The following MGMT variants were observed in gnomAD, a reference collection of about 807,000 sequenced individuals.
The protein encoded by MGMT is methylated-DNA--protein-cysteine methyltransferase.
In MGMT, 14 loss-of-function variants were observed where a neutral mutation model predicts 15.9. That is an observed-to-expected ratio of 0.88 (90% CI 0.58 to 1.37). The LOEUF (loss-of-function observed/expected upper bound fraction) is 1.37, where lower values mean the gene tolerates loss of function less well. MGMT is among the 40% of genes most tolerant of loss of function. MGMT has a pLI of 0.00. For synonymous variants in MGMT, 130 were observed against 118.2 expected (o/e 1.10, Z -0.65); for missense variants, 282 against 268.1 (o/e 1.05, Z -0.36).
chr10:129,638,453 A>AAAAAAAAAAAAG, intron 2 of MGMT, among the ~76,000 whole-genome samples: 1 of 149,150 alleles, frequency 6.7e-6, no homozygotes, highest in Non-Finnish European at 1.5e-5. Flanking sequence ...AAAGAAAAAA[A>AAAAAAAAAAAAG]AAAGAAAAAT....
Position 129,770,527 on chromosome 10 carries a change from G to A in MGMT, c.*3530G>A, listed in dbSNP as rs1482907394. 6.6e-6 allele frequency among the ~76,000 whole-genome samples: 1 copy of A among 152,232 alleles called. No individual in the cohort carries two copies. Among genetic ancestry groups the A allele is most frequent in the African/African-American group, 2.4e-5 (1 of 41,472 alleles). ...CACCTTGGCTGTCCATGCACCCGTA[G>A]CTGTGACCATGGGCGGTGGCGCCAG... On this transcript the variant is annotated 3_prime_UTR_variant, in exon 5 of 5. Transcript: ENST00000651593.
At chr10:129,730,486 G>C (rs1229433679) in intron 3 of MGMT, among the ~76,000 whole-genome samples, 1 of 152,232 alleles carries the variant, frequency 6.6e-6, no homozygotes. Flanking sequence ...AGAGCATCCT[G>C]TGTCTGCAAG....
intron 1 of MGMT, among the ~76,000 whole-genome samples, chr10:129,496,934 C>A (rs956705554): frequency 2.0e-5 from 3 of 152,014 alleles, no homozygotes; most frequent in Non-Finnish European, 2.9e-5. Flanking sequence ...CTCAAGTGAT[C>A]CGCCTACCTC....
In MGMT at chr10:129,484,912, A is replaced by G. The variant is rs1269800750; in HGVS notation, c.-13+17616A>G. ...TATAAGGGTGTGTGTATGTGTATAT[A>G]TGTATGTGTGTGTGTATTATATATA... On this transcript the variant is annotated intron_variant, in intron 1 of 4. Transcript: ENST00000651593. Among the ~76,000 whole-genome samples, 5 of 151,794 alleles carry G rather than the reference A, an allele frequency of 3.3e-5. No individual in the cohort carries two copies. The East Asian group carries it at 7.7e-4, about 23-fold the overall frequency.
intron 2 of MGMT, among the ~76,000 whole-genome samples, chr10:129,643,076 G>A (rs998596838): frequency 6.6e-6 from 1 of 152,184 alleles, no homozygotes; most frequent in Non-Finnish European, 1.5e-5. Context: ...ATGGAAAAGG[G>A]AGTTTTGTAG....
Position 129,769,328 on chromosome 10 carries a change from G to C in MGMT, c.*2331G>C, listed in dbSNP as rs1224697867. Reference sequence around the variant, plus strand: ...GAAAAGCCAGCACGCGGGTCGCCTAGAGCCGCTCTGCCTCCAAGCTGCAGC... The same window carrying C: ...GAAAAGCCAGCACGCGGGTCGCCTACAGCCGCTCTGCCTCCAAGCTGCAGC... On this transcript the variant is annotated 3_prime_UTR_variant, in exon 5 of 5. Coordinates refer to ENST00000651593, the MANE Select transcript of MGMT (RefSeq NM_002412.5). The C allele has an allele frequency of 1.3e-5, 2 of 152,252 alleles. No homozygotes were observed. Among genetic ancestry groups the C allele is most frequent in the Admixed American group, 1.3e-4 (2 of 15,290 alleles). The allele number at this position is 152,252 out of a possible 1,614,324, so 9.4% of individuals were successfully genotyped here. A position where few individuals can be genotyped will look rare whatever the true frequency, so the allele number is the denominator to read the frequency against.
At chr10:129,474,586 G>A (rs1454545718) in intron 1 of MGMT, among the ~76,000 whole-genome samples, 2 of 152,182 alleles carry the variant, frequency 1.3e-5, no homozygotes, top group Admixed American at 6.5e-5. Flanking sequence ...GAGATTTCCC[G>A]ACTGCAGCCG....
chr10:129,559,483 C>G (rs1846253239), intron 2 of MGMT, among the ~76,000 whole-genome samples: 1 of 152,072 alleles, frequency 6.6e-6, no homozygotes, highest in Non-Finnish European at 1.5e-5. Flanking sequence ...GAAGAAACCC[C>G]TGTTCTAGCT....
chr10:129,511,307 G>A (rs530627234), intron 1 of MGMT, among the ~76,000 whole-genome samples: 74 of 149,408 alleles, frequency 5.0e-4, no homozygotes, highest in Admixed American at 1.1e-3. Flanking sequence ...ATGCAGCCAC[G>A]TGCTTTCTGT....
intron 2 of MGMT, among the ~76,000 whole-genome samples, chr10:129,632,425 C>T (rs1191414853): frequency 1.3e-5 from 2 of 152,114 alleles, no homozygotes; most frequent in Admixed American, 6.6e-5. Flanking sequence ...AGAACTGGGG[C>T]CCAGCGAGAC....
intron 2 of MGMT, among the ~76,000 whole-genome samples, chr10:129,595,918 G>A (rs1846745955): frequency 6.6e-6 from 1 of 152,110 alleles, no homozygotes; most frequent in Admixed American, 6.5e-5. Context: ...TTTCTATGGG[G>A]GAGATTATAC....
At chr10:129,484,057 G>A (rs547648773) in intron 1 of MGMT, among the ~76,000 whole-genome samples, 4 of 152,240 alleles carry the variant, frequency 2.6e-5, no homozygotes, top group Non-Finnish European at 4.4e-5. Context: ...ACTGAGACCT[G>A]TCATACAAGG....
In MGMT at chr10:129,566,598, C is replaced by T. The variant is rs566337751; in HGVS notation, c.125+30221C>T. On this transcript the variant is annotated intron_variant, in intron 2 of 4. Coordinates refer to ENST00000651593, the MANE Select transcript of MGMT (RefSeq NM_002412.5). This position sits in a 1 kb window ranked among gnomAD's most constrained non-coding sequence, Gnocchi z 4.1. ...TTGCACTGAGGACCACAGCAGCCCT[C>T]GCATTCCTACACATACCCCTTTGCC... 6.6e-6 allele frequency among the ~76,000 whole-genome samples: 1 copy of T among 152,300 alleles called. No individual in the cohort carries two copies. The highest frequency in any genetic ancestry group is 6.5e-5 in the Admixed American group (1 of 15,300).
At chr10:129,685,168 G>A (rs1847891389) in intron 2 of MGMT, among the ~76,000 whole-genome samples, 1 of 152,222 alleles carries the variant, frequency 6.6e-6, no homozygotes. Flanking sequence ...AAGATTTGCT[G>A]ATTTTTAAAT....
intron 1 of MGMT, among the ~76,000 whole-genome samples, chr10:129,475,836 T>C (rs1845287500): frequency 6.6e-6 from 1 of 152,228 alleles, no homozygotes; most frequent in Non-Finnish European, 1.5e-5. Flanking sequence ...CTGAAGTTAG[T>C]GTTCTTAAAG....
intron 3 of MGMT, 64 bp downstream of exon 3, chr10:129,708,107 A>G: frequency 1.3e-6 from 2 of 1,536,134 alleles, no homozygotes; most frequent in South Asian, 1.2e-5. Context: ...GATCGCTGAC[A>G]TCACAGTTCA....
At chr10:129,546,742 C>T (rs1327069434) in intron 2 of MGMT, among the ~76,000 whole-genome samples, 1 of 152,184 alleles carries the variant, frequency 6.6e-6, no homozygotes, top group Non-Finnish European at 1.5e-5. Context: ...GGGTGGAACA[C>T]TGACGTCAGA....
At chr10:129,651,917 A>G (rs1847462913) in intron 2 of MGMT, among the ~76,000 whole-genome samples, 1 of 152,154 alleles carries the variant, frequency 6.6e-6, no homozygotes, top group Non-Finnish European at 1.5e-5. Context: ...CAACCTAAAA[A>G]TCCTTTAGGT....
intron 2 of MGMT, among the ~76,000 whole-genome samples, chr10:129,592,425 C>T (rs1439447252): frequency 4.6e-5 from 7 of 152,162 alleles, no homozygotes; most frequent in Non-Finnish European, 7.3e-5. Context: ...AAATGCCTAA[C>T]GTAGATTTGC....
Sources: allele counts gnomAD v4.1 joint callset (sites outside exome capture counted in the v4.1 genomes callset), GRCh38; gene constraint gnomAD v4.1.1; non-coding constraint Gnocchi (gnomAD v3.1); transcripts MANE v1.5; gene names NCBI Gene and HGNC (gene_info 2026-07-23, HGNC 2026-07-21).